The following UTRN variants were observed in gnomAD, a reference collection of about 807,000 sequenced individuals.
UTRN encodes the protein dystrophin-related protein 1.
In UTRN, 283 loss-of-function variants were observed where a neutral mutation model predicts 463.9. That is an observed-to-expected ratio of 0.61 (90% CI 0.55 to 0.67). The LOEUF (loss-of-function observed/expected upper bound fraction) is 0.67. UTRN is among the 30% of genes least tolerant of loss of function. UTRN has a pLI of 0.00. For missense variants in UTRN, 3,922 were observed against 4,084.3 expected, an observed-to-expected ratio of 0.96 and a Z score of 1.08; for synonymous variants, 1,442 against 1,431.5, an observed-to-expected ratio of 1.01 and a Z score of -0.17.
Position 144,310,462 on chromosome 6 carries a change from G to A in UTRN, c.79+18555G>A, listed in dbSNP as rs60661533. On this transcript the variant is annotated intron_variant, in intron 2 of 74. Transcript: ENST00000367545. ...GAGGCAGGAGAATCGCTTGAACCTG[G>A]GAGGCGGAGGTTGCAGTGAGCTGAG... 9.3e-3 allele frequency among the ~76,000 whole-genome samples: 1,416 copies of A among 152,004 alleles called. 99 individuals carry two copies. In the East Asian group the frequency reaches 0.18, roughly 20 times the overall value.
chr6:144,335,663 A>G (rs946810920), intron 2 of UTRN, among the ~76,000 whole-genome samples: 1 of 152,088 alleles, frequency 6.6e-6, no homozygotes, highest in African/African-American at 2.4e-5. Flanking sequence ...TGGCTCTCTC[A>G]AATGCTCTTT....
intron 63 of UTRN, among the ~76,000 whole-genome samples, chr6:144,796,289 G>A (rs1455944265): frequency 6.6e-6 from 1 of 152,086 alleles, no homozygotes; most frequent in Non-Finnish European, 1.5e-5. Context: ...ATTCAAGAGG[G>A]CTCCACCCTC....
chr6:144,419,170 T>C (rs1412477816), intron 3 of UTRN, among the ~76,000 whole-genome samples: 2 of 152,180 alleles, frequency 1.3e-5, no homozygotes, highest in Non-Finnish European at 2.9e-5. Flanking sequence ...TGACAGTGGG[T>C]AGCAAGTCCT....
At chr6:144,415,941 A>G (rs1784324184) in intron 3 of UTRN, among the ~76,000 whole-genome samples, 1 of 152,130 alleles carries the variant, frequency 6.6e-6, no homozygotes, top group African/African-American at 2.4e-5. Flanking sequence ...GTGAAAGGAA[A>G]TGAATCAGGA....
intron 2 of UTRN, among the ~76,000 whole-genome samples, chr6:144,370,927 C>T (rs1312672988): frequency 1.3e-5 from 2 of 152,172 alleles, no homozygotes; most frequent in Non-Finnish European, 2.9e-5. Flanking sequence ...GAGCTTTTGC[C>T]CTTTTGCTCC....
At chr6:144,773,613 T>C (rs980048950) in intron 59 of UTRN, among the ~76,000 whole-genome samples, 3 of 152,138 alleles carry the variant, frequency 2.0e-5, no homozygotes, top group African/African-American at 7.2e-5. Context: ...CAGGGAAAAG[T>C]GTCTGTTTTT....
At chr6:144,692,816 C>T (rs1187133643) in intron 52 of UTRN, among the ~76,000 whole-genome samples, 1 of 152,114 alleles carries the variant, frequency 6.6e-6, no homozygotes, top group Non-Finnish European at 1.5e-5. Flanking sequence ...GCATAGTTTG[C>T]AACAATTTTT....
chr6:144,745,783 G>A (rs965780408), intron 54 of UTRN, among the ~76,000 whole-genome samples: 7 of 152,038 alleles, frequency 4.6e-5, no homozygotes, highest in South Asian at 2.1e-4. Flanking sequence ...TAAGTTGTCC[G>A]TTCTGAAATG....
intron 2 of UTRN, among the ~76,000 whole-genome samples, chr6:144,329,140 G>T (rs1018466583): frequency 6.9e-6 from 1 of 145,772 alleles, no homozygotes. Context: ...TGGAGTGTAG[G>T]GGGGCGATCT....
chr6:144,537,734 T>C lies in UTRN; in HGVS notation c.6369+17T>C. The C allele has an allele frequency of 6.2e-7, 1 of 1,606,060 alleles. No homozygotes were observed. The highest frequency in any genetic ancestry group is 8.5e-7 in the Non-Finnish European group (1 of 1,176,598). ...GAATTAAGAGTAAGTTGTTTATTTC[T>C]GTCTATATGCCTTTTGGTGCCCGAA... On this transcript the variant is annotated intron_variant, in intron 44 of 74. Coordinates refer to ENST00000367545, the MANE Select transcript of UTRN (RefSeq NM_007124.3).
chr6:144,650,061 A>C (rs1237657422), intron 51 of UTRN, among the ~76,000 whole-genome samples: 2 of 152,214 alleles, frequency 1.3e-5, no homozygotes, highest in Non-Finnish European at 2.9e-5. Context: ...GAGGCCTCAC[A>C]ATCATGGCAG....
intron 12 of UTRN, 133 bp downstream of exon 12, chr6:144,439,028 T>C (rs1786865004): frequency 1.0e-6 from 1 of 966,478 alleles, no homozygotes; most frequent in Admixed American, 2.4e-5. Context: ...ATTTAGCAGC[T>C]CACAGGGTGG....
chr6:144,395,412 T>G (rs1782314534), intron 2 of UTRN, among the ~76,000 whole-genome samples: 1 of 151,980 alleles, frequency 6.6e-6, no homozygotes, highest in South Asian at 2.1e-4. Context: ...TTTTTTTTTT[T>G]TTTTTTGCAA....
At chr6:144,693,285 G>T (rs1333649278) in intron 52 of UTRN, among the ~76,000 whole-genome samples, 3 of 152,042 alleles carry the variant, frequency 2.0e-5, no homozygotes, top group Admixed American at 2.0e-4. Flanking sequence ...TGCTGTTTTG[G>T]TTACTATAGA....
chr6:144,429,550 T>G, intron 8 of UTRN, 31 bp from the exon 9 acceptor site: 1 of 1,579,668 alleles, frequency 6.3e-7, no homozygotes, highest in Non-Finnish European at 8.6e-7. Context: ...ACACCTAATT[T>G]AAGCTGGTTC....
At chr6:144,483,620 A>T (rs1449989945) in intron 27 of UTRN, among the ~76,000 whole-genome samples, 2 of 151,786 alleles carry the variant, frequency 1.3e-5, no homozygotes, top group Non-Finnish European at 2.9e-5. Flanking sequence ...TTATTTTTAA[A>T]TTTTTTTTGT....
intron 3 of UTRN, among the ~76,000 whole-genome samples, chr6:144,409,329 G>A (rs181854327): frequency 6.6e-6 from 1 of 152,170 alleles, no homozygotes; most frequent in Non-Finnish European, 1.5e-5. Flanking sequence ...ATGCTTTGAT[G>A]AGTACTTAAT....
intron 53 of UTRN, among the ~76,000 whole-genome samples, chr6:144,722,160 A>T (rs188359706): frequency 6.6e-6 from 1 of 152,276 alleles, no homozygotes; most frequent in East Asian, 1.9e-4. Context: ...AAACATTTTA[A>T]CAGAAGCAAT....
At chr6:144,385,706 A>ATTTTTTT (rs60221098) in intron 2 of UTRN, among the ~76,000 whole-genome samples, 3 of 142,552 alleles carry the variant, frequency 2.1e-5, no homozygotes, top group African/African-American at 2.5e-5. Flanking sequence ...CCAGAACTCT[A>ATTTTTTT]TTTTTTTTTT....
Sources: gnomAD v4.1 joint callset for allele counts (sites outside exome capture counted in the v4.1 genomes callset) on GRCh38, gnomAD v4.1.1 for gene constraint, MANE v1.5 for transcripts, NCBI Gene and HGNC (gene_info 2026-07-23, HGNC 2026-07-21) for gene names.